The following C20orf96 variants were observed in gnomAD, a reference collection of about 807,000 sequenced individuals.
The protein encoded by C20orf96 is uncharacterized protein C20orf96.
C20orf96 carries 57 observed loss-of-function variants against 52.6 expected under a neutral mutation model. The observed-to-expected ratio is 1.08, with a 90% CI of 0.88 to 1.35. The LOEUF (loss-of-function observed/expected upper bound fraction) is 1.35, where lower values mean the gene tolerates loss of function less well. C20orf96 is among the 40% of genes most tolerant of loss of function. The pLI is 0.00. For missense variants in C20orf96, 478 were observed against 443.6 expected (o/e 1.08, Z -0.70); for synonymous variants, 168 against 157.2 (o/e 1.07, Z -0.51).
intron 3 of C20orf96, among the ~76,000 whole-genome samples, chr20:285,812 G>C (rs2012370231): frequency 6.6e-6 from 1 of 152,242 alleles, no homozygotes; most frequent in South Asian, 2.1e-4. Context: ...GACCTCAGGG[G>C]ATCCACCTGC....
rs776840842 is a variant in C20orf96, at chr20:290,635, G to A, written c.-25C>T. 17 of 1,606,338 alleles carry A rather than the reference G, an allele frequency of 1.1e-5. No homozygotes were observed. The highest frequency in any genetic ancestry group is 1.4e-5 in the Non-Finnish European group (16 of 1,178,516). ...TTGGGGAAAATGGAAGAGAAGTTGC[G>A]AGTCTGTGAGACCCTGATCTTCTGG... On this transcript the variant is annotated 5_prime_UTR_variant, in exon 1 of 11. Transcript: ENST00000360321.
chr20:272,939 G>A (rs2011886492), intron 10 of C20orf96, among the ~76,000 whole-genome samples: 1 of 152,100 alleles, frequency 6.6e-6, no homozygotes, highest in Non-Finnish European at 1.5e-5. Context: ...TAGAATTCCA[G>A]CTGCCATTCT....
intron 10 of C20orf96, among the ~76,000 whole-genome samples, chr20:273,545 G>C (rs1280192798): frequency 6.6e-6 from 1 of 151,890 alleles, no homozygotes; most frequent in Admixed American, 6.6e-5. Flanking sequence ...TTGGTTCATA[G>C]AGCAGTAACA....
intron 10 of C20orf96, among the ~76,000 whole-genome samples, chr20:273,952 GAAGGAAGAAAGAAA>G (rs1238969149): frequency 1.5e-5 from 2 of 133,824 alleles, no homozygotes; most frequent in Admixed American, 1.5e-4. Flanking sequence ...AAGAAAGAAA[GAAGGAAGAAAGAAA>G]AAGAAAGAAA....
chr20:283,535 G>C (rs8125727), intron 4 of C20orf96, among the ~76,000 whole-genome samples: 78,798 of 151,836 alleles, frequency 0.52, 20,871 homozygotes, highest in African/African-American at 0.62. Context: ...AACTCCTGAC[G>C]TCAAATGATC....
intron 3 of C20orf96, among the ~76,000 whole-genome samples, chr20:288,187 T>TTTTTTTTTTTTTTTTTTTA (rs2012444721): frequency 6.9e-6 from 1 of 144,310 alleles, no homozygotes; most frequent in African/African-American, 2.5e-5. Flanking sequence ...TTTTTTTTTT[T>TTTTTTTTTTTTTTTTTTTA]TTTTTTTTTT....
intron 5 of C20orf96, among the ~76,000 whole-genome samples, chr20:278,642 G>T (rs938590263): frequency 3.3e-5 from 5 of 151,722 alleles, no homozygotes; most frequent in Admixed American, 6.6e-5. Context: ...AGAGGTGTTT[G>T]CAAATGCTGT....
At chr20:275,940 A>C in intron 10 of C20orf96, 28 bp downstream of exon 10, 3 of 1,596,926 alleles carry the variant, frequency 1.9e-6, no homozygotes, top group Non-Finnish European at 2.6e-6. Flanking sequence ...TGACTGGTTT[A>C]AGAGGCAGTG....
rs2012044546 is a variant in C20orf96, at chr20:276,913, CCT to C, written c.826-36_826-35del. 10 of 1,612,494 alleles carry C rather than the reference CCT, an allele frequency of 6.2e-6. No individual in the cohort carries two copies. In the East Asian group the frequency reaches 8.9e-5, roughly 14 times the overall value. ...GAAGAAGAGGTCTGGCCCCCAGGTGCCTCTTCCTGGGCAGCAGAACATGGTAG... is the reference window on the plus strand; with the variant it reads ...GAAGAAGAGGTCTGGCCCCCAGGTGCCTTCCTGGGCAGCAGAACATGGTAG... On this transcript the variant is annotated intron_variant, in intron 8 of 10. Transcript: ENST00000360321.
chr20:276,754 G>C, intron 9 of C20orf96, 39 bp downstream of exon 9: 5 of 1,599,838 alleles, frequency 3.1e-6, no homozygotes, highest in Non-Finnish European at 4.3e-6. Flanking sequence ...CCCATCCACT[G>C]CTTCCCTACA....
Position 284,128 on chromosome 20 carries a change from G to A in C20orf96, c.188-47C>T. ...CAGGGAGAGAGTGAGGGTCCCGGAA[G>A]GCCTGAGGCCAGGTTCCCGGGAGTG... On this transcript the variant is annotated intron_variant, in intron 3 of 10. Coordinates refer to ENST00000360321, the MANE Select transcript of C20orf96 (RefSeq NM_153269.3). The A allele has an allele frequency of 4.0e-6, 6 of 1,489,600 alleles. No homozygotes were observed. In the Admixed American group the frequency reaches 8.4e-5, roughly 21 times the overall value. 92.3% of individuals were successfully genotyped at this position (1,489,600 alleles called of 1,614,324 possible).
Position 277,043 on chromosome 20 carries a change from C to A in C20orf96, c.825+1G>T. On this transcript the variant is annotated splice_donor_variant, in intron 8 of 10. Transcript: ENST00000360321. LOFTEE classifies it high-confidence loss of function. ...CTCCCACACAGCAACTGGCTACTCA[C>A]CGCCACCACAGAACTCAGAATTTTT... The A allele has an allele frequency of 6.2e-7, 1 of 1,612,762 alleles. No individual in the cohort carries two copies. Among genetic ancestry groups the A allele is most frequent in the Non-Finnish European group, 8.5e-7 (1 of 1,179,196 alleles).
chr20:285,197 G>T (rs2012352713), intron 3 of C20orf96, among the ~76,000 whole-genome samples: 1 of 152,162 alleles, frequency 6.6e-6, no homozygotes, highest in Non-Finnish European at 1.5e-5. Flanking sequence ...ACACTCTAAG[G>T]GCTGTGGTTC....
intron 3 of C20orf96, among the ~76,000 whole-genome samples, chr20:284,587 G>A (rs544048034): frequency 3.9e-5 from 6 of 152,248 alleles, no homozygotes; most frequent in Non-Finnish European, 4.4e-5. Context: ...CAGGCATGGC[G>A]GCTCACGCCT....
In C20orf96 at chr20:271,164, T is replaced by A; in HGVS notation, c.*43A>T. The A allele has an allele frequency of 6.7e-7, 1 of 1,496,880 alleles. No individual in the cohort carries two copies. The allele number at this position is 1,496,880 out of a possible 1,614,324, so 92.7% of individuals were successfully genotyped here. A position where few individuals can be genotyped will look rare whatever the true frequency, so the allele number is the denominator to read the frequency against. On this transcript the variant is annotated 3_prime_UTR_variant, in exon 11 of 11. Transcript: ENST00000360321. The stretch of plus-strand genomic sequence containing the variant: ...GTAAATGATCCAAGGCTCCAGGTGC[T>A]GGGAAGAGAGCAGGAGGGGAGGGCG...
rs550452434 is a variant in C20orf96, at chr20:279,383, G to GC, written c.307-54dup. ...CGGCGCTGCGCCCTGCCCGGCCTGA[G>GC]CCCCCGAAAGCCCGTGGACCCGCCG... On this transcript the variant is annotated intron_variant, in intron 4 of 10. Transcript: ENST00000360321. The GC allele has an allele frequency of 2.4e-4, 374 of 1,549,492 alleles. 6 individuals are homozygous for GC. The South Asian group carries it at 2.8e-3, about 11-fold the overall frequency.
chr20:272,035 T>A (rs1178806044), intron 10 of C20orf96, among the ~76,000 whole-genome samples: 1 of 152,074 alleles, frequency 6.6e-6, no homozygotes, highest in East Asian at 1.9e-4. Context: ...ACATGAAGTA[T>A]TTAGGCAGGA....
At chr20:281,337 G>A (rs1361924178) in intron 4 of C20orf96, among the ~76,000 whole-genome samples, 1 of 152,108 alleles carries the variant, frequency 6.6e-6, no homozygotes, top group Non-Finnish European at 1.5e-5. Context: ...CTGGGTGACA[G>A]AGCAAGACCC....
Position 279,156 on chromosome 20 carries a change from A to G in C20orf96, c.465+16T>C. ...GGACGGAGGGACGGAGGGCGGGCGG[A>G]TGCCGCGGGTCTCACCGCCAGGGTG... On this transcript the variant is annotated intron_variant, in intron 5 of 10. Transcript: ENST00000360321. 1 of 1,538,954 alleles carries G rather than the reference A, an allele frequency of 6.5e-7. No individual in the cohort carries two copies. Among genetic ancestry groups the G allele is most frequent in the South Asian group, 1.2e-5 (1 of 86,790 alleles).
Sources: allele counts gnomAD v4.1 joint callset (sites outside exome capture counted in the v4.1 genomes callset), GRCh38; gene constraint gnomAD v4.1.1; transcripts MANE v1.5; gene names NCBI Gene and HGNC (gene_info 2026-07-23, HGNC 2026-07-21).